Variants in FOXE3 observed in about 807,000 individuals in gnomAD.
The protein encoded by FOXE3 is forkhead box E3.
For synonymous variants in FOXE3, 274 were observed against 258.3 expected (o/e 1.06, Z -0.58); for missense variants, 520 against 507.8 (o/e 1.02, Z -0.23).
At position 47,416,827 on chromosome 1, in the gene FOXE3, A is replaced by G. The variant is rs2124043179; in HGVS notation, c.512A>G (p.Glu171Gly). 1 of 1,524,308 alleles carries G rather than the reference A, an allele frequency of 6.6e-7. No individual in the cohort carries two copies. 94.4% of individuals were successfully genotyped at this position (1,524,308 alleles called of 1,614,324 possible). A position where few individuals can be genotyped will look rare whatever the true frequency, so the allele number is the denominator to read the frequency against. Residue 171 changes from glutamate to glycine, a missense_variant, in exon 1 of 1, where the codon GAG becomes GGG. Transcript: ENST00000335071. The surrounding 1 kb of genome is among the most constrained non-coding windows in gnomAD (Gnocchi z 4.2). The stretch of plus-strand genomic sequence containing the variant: ...CGCCGCAAGCGCTTCAAGCGCGCCG[A>G]GCTGCCCGCGCACGCGGCCGCGGCG... ...LRRRKRFKRA[E>G]LPAHAAAAPG...
chr1:47,416,983 T>C lies in FOXE3; in HGVS notation c.668T>C (p.Val223Ala). 3 of 1,353,854 alleles carry C rather than the reference T, an allele frequency of 2.2e-6. No individual in the cohort carries two copies. Among genetic ancestry groups the C allele is most frequent in the Non-Finnish European group, 2.9e-6 (3 of 1,045,892 alleles). The allele number at this position is 1,353,854 out of a possible 1,614,324, so 83.9% of individuals were successfully genotyped here. A position where few individuals can be genotyped will look rare whatever the true frequency, so the allele number is the denominator to read the frequency against. Residue 223 changes from valine to alanine, a missense_variant, in exon 1 of 1, where the codon GTG becomes GCG. Coordinates refer to ENST00000335071, the MANE Select transcript of FOXE3 (RefSeq NM_012186.3). This position sits in a 1 kb window ranked among gnomAD's most constrained non-coding sequence, Gnocchi z 4.2. ...CGTCTGTTCAGCGTCGACAGCCTGG[T>C]GAACCTGCAGCCGGAGCTAGCGGGG... ...PARLFSVDSL[V>A]NLQPELAGLG...
rs1646882637 is a variant in FOXE3, at chr1:47,416,420, C to A, written c.105C>A (p.Ala35=). The part of the protein sequence containing the change: ...SGPPPSPLAG[A]EPGREPEEAA... ...CGCCGCCGTCGCCGCTCGCAGGAGC[C>A]GAGCCAGGGCGGGAGCCAGAGGAGG... The change falls in exon 1 of 1, where the codon GCC becomes GCA. Residue 35 remains alanine, a synonymous_variant. Coordinates refer to ENST00000335071, the MANE Select transcript of FOXE3 (RefSeq NM_012186.3). This position sits in a 1 kb window ranked among gnomAD's most constrained non-coding sequence, Gnocchi z 4.2. 8.2e-7 allele frequency: 1 copy of A among 1,221,518 alleles called. No individual in the cohort carries two copies. The highest frequency in any genetic ancestry group is 2.8e-5 in the South Asian group (1 of 35,864). The allele number at this position is 1,221,518 out of a possible 1,614,324, so 75.7% of individuals were successfully genotyped here.
Position 47,417,063 on chromosome 1 carries a change from T to C in FOXE3, c.748T>C (p.Phe250Leu). 1.5e-6 allele frequency: 2 copies of C among 1,359,510 alleles called. No homozygotes were observed. The highest frequency in any genetic ancestry group is 1.9e-6 in the Non-Finnish European group (2 of 1,052,692). The allele number at this position is 1,359,510 out of a possible 1,614,324, so 84.2% of individuals were successfully genotyped here. ...CGCGCCCGACGCCGCAGCCGCAGCC[T>C]TCCCGCCCTGCGCTGCCGCCGCCTC... ...CAAPDAAAAA[F>L]PPCAAAASPP... The change falls in exon 1 of 1, where the codon TTC (phenylalanine) becomes CTC (leucine). Residue 250 changes from phenylalanine (F) to leucine (L), a missense_variant. Phe to Leu is a conservative substitution (Grantham distance 22, BLOSUM62 0). Transcript: ENST00000335071. This position sits in a 1 kb window ranked among gnomAD's most constrained non-coding sequence, Gnocchi z 4.3.
In FOXE3 at chr1:47,416,298, C is replaced by A. The variant is rs1325518182; in HGVS notation, c.-18C>A. 3 of 1,302,020 alleles carry A rather than the reference C, an allele frequency of 2.3e-6. No homozygotes were observed. Among genetic ancestry groups the A allele is most frequent in the South Asian group, 2.1e-5 (1 of 46,614 alleles). The allele number at this position is 1,302,020 out of a possible 1,614,324, so 80.7% of individuals were successfully genotyped here. A position where few individuals can be genotyped will look rare whatever the true frequency, so the allele number is the denominator to read the frequency against. ...CCCTGCGGTCCCGGAGCCGCGCGGG[C>A]AGGGGCTGCCGCAGCCGATGGCGGG... On this transcript the variant is annotated 5_prime_UTR_variant, in exon 1 of 1. Transcript: ENST00000335071. The surrounding 1 kb of genome is among the most constrained non-coding windows in gnomAD (Gnocchi z 4.2).
chr1:47,417,077 T>C lies in FOXE3; in HGVS notation c.762T>C (p.Ala254=). The stretch of plus-strand genomic sequence containing the variant: ...CAGCCGCAGCCTTCCCGCCCTGCGC[T>C]GCCGCCGCCTCCCCGCCACTCTACT... ...DAAAAAFPPC[A]AAASPPLYSQ... is the part of the protein sequence containing the mutation. The change falls in exon 1 of 1, where the codon GCT becomes GCC. Residue 254 remains alanine (A), a synonymous_variant. Coordinates refer to ENST00000335071, the MANE Select transcript of FOXE3 (RefSeq NM_012186.3). The surrounding 1 kb of genome is among the most constrained non-coding windows in gnomAD (Gnocchi z 4.3). The C allele has an allele frequency of 2.9e-6, 4 of 1,369,708 alleles. No individual in the cohort carries two copies. Among genetic ancestry groups the C allele is most frequent in the South Asian group, 1.6e-5 (1 of 62,576 alleles). The allele number at this position is 1,369,708 out of a possible 1,614,324, so 84.8% of individuals were successfully genotyped here.
At position 47,416,763 on chromosome 1, in the gene FOXE3, G is replaced by A. The variant is rs1646885823; in HGVS notation, c.448G>A (p.Ala150Thr). ...GKGNYWTLDPAAADMFDNGSF... is the reference protein window; with the variant it reads ...GKGNYWTLDPTAADMFDNGSF... ...GGGCAACTACTGGACGCTGGACCCCGCGGCCGCAGACATGTTCGACAACGG... is the reference window on the plus strand; with the variant it reads ...GGGCAACTACTGGACGCTGGACCCCACGGCCGCAGACATGTTCGACAACGG... Residue 150 changes from alanine to threonine, a missense_variant, in exon 1 of 1, where the codon GCG becomes ACG. Ala to Thr is a moderately conservative substitution (Grantham distance 58). Transcript: ENST00000335071. The surrounding 1 kb of genome is among the most constrained non-coding windows in gnomAD (Gnocchi z 4.2). 5.6e-6 allele frequency: 9 copies of A among 1,603,706 alleles called. No individual in the cohort carries two copies. In the East Asian group the frequency reaches 1.4e-4, roughly 24 times the overall value.
Position 47,416,796 on chromosome 1 carries a change from C to T in FOXE3, c.481C>T (p.Leu161=), listed in dbSNP as rs765916151. The change falls in exon 1 of 1, where the codon CTG becomes TTG. Residue 161 remains leucine, a synonymous_variant. Coordinates refer to ENST00000335071, the MANE Select transcript of FOXE3 (RefSeq NM_012186.3). This position sits in a 1 kb window ranked among gnomAD's most constrained non-coding sequence, Gnocchi z 4.2. ...AADMFDNGSF[L]RRRKRFKRAE... ...AGACATGTTCGACAACGGCAGCTTC[C>T]TGCGGCGCCGCAAGCGCTTCAAGCG... The T allele has an allele frequency of 1.9e-6, 3 of 1,589,696 alleles. No individual in the cohort carries two copies. Among genetic ancestry groups the T allele is most frequent in the South Asian group, 2.3e-5 (2 of 88,824 alleles).
In FOXE3 at chr1:47,417,149, C is replaced by G; in HGVS notation, c.834C>G (p.Pro278=). 7.1e-7 allele frequency: 1 copy of G among 1,405,218 alleles called. No homozygotes were observed. Among genetic ancestry groups the G allele is most frequent in the Non-Finnish European group, 9.2e-7 (1 of 1,083,476 alleles). 87.0% of individuals were successfully genotyped at this position (1,405,218 alleles called of 1,614,324 possible). A position where few individuals can be genotyped will look rare whatever the true frequency, so the allele number is the denominator to read the frequency against. The change falls in exon 1 of 1, where the codon CCC becomes CCG. Residue 278 remains proline, a synonymous_variant. Coordinates refer to ENST00000335071, the MANE Select transcript of FOXE3 (RefSeq NM_012186.3). This position sits in a 1 kb window ranked among gnomAD's most constrained non-coding sequence, Gnocchi z 4.3. ...TACTGCCCGCGACGCGCCCCGGCCC[C>G]GGCCCGCTGCCCGCTGAGCCCCTCC... ...RLVLPATRPG[P]GPLPAEPLLA...
At position 47,417,544 on chromosome 1, in the gene FOXE3, C is replaced by T. The variant is rs1005614509; in HGVS notation, c.*269C>T. The T allele has an allele frequency of 6.3e-6, 2 of 315,962 alleles. No homozygotes were observed. The highest frequency in any genetic ancestry group is 6.1e-6 in the Non-Finnish European group (1 of 164,318). The allele number at this position is 315,962 out of a possible 1,614,324, so 19.6% of individuals were successfully genotyped here. A position where few individuals can be genotyped will look rare whatever the true frequency, so the allele number is the denominator to read the frequency against. ...CCACTTGTGAGCGCCCCCAGCTTTG[C>T]GGCGCCCCCCACCCCAGCGCTGTCT... On this transcript the variant is annotated 3_prime_UTR_variant, in exon 1 of 1. Transcript: ENST00000335071. This position sits in a 1 kb window ranked among gnomAD's most constrained non-coding sequence, Gnocchi z 4.3.
Position 47,416,750 on chromosome 1 carries a change from G to A in FOXE3, c.435G>A (p.Trp145Ter). Residue 145 changes from tryptophan to a stop codon, truncating the protein, a stop_gained, in exon 1 of 1, where the codon TGG (tryptophan) becomes TGA (stop). Transcript: ENST00000335071. LOFTEE classifies it low-confidence loss of function (END_TRUNC). The surrounding 1 kb of genome is among the most constrained non-coding windows in gnomAD (Gnocchi z 4.2). ...GCAACCCGGGCAAGGGCAACTACTG[G>A]ACGCTGGACCCCGCGGCCGCAGACA... Reference protein sequence around the residue: ...EPGNPGKGNYWTLDPAAADMF... With the variant: ...EPGNPGKGNY 1 of 1,607,002 alleles carries A rather than the reference G, an allele frequency of 6.2e-7. No individual in the cohort carries two copies.
rs778795099 is a variant in FOXE3, at chr1:47,416,806, G to C, written c.491G>C (p.Arg164Pro). 6.3e-6 allele frequency: 10 copies of C among 1,585,134 alleles called. No individual in the cohort carries two copies. The highest frequency in any genetic ancestry group is 8.6e-6 in the Non-Finnish European group (10 of 1,167,284). The change falls in exon 1 of 1, where the codon CGC becomes CCC. Residue 164 changes from arginine to proline, a missense_variant. Physicochemically the swap from Arg to Pro is moderately radical, Grantham distance 103. Transcript: ENST00000335071. This position sits in a 1 kb window ranked among gnomAD's most constrained non-coding sequence, Gnocchi z 4.2. Reference sequence around the variant, plus strand: ...GACAACGGCAGCTTCCTGCGGCGCCGCAAGCGCTTCAAGCGCGCCGAGCTG... The same window carrying C: ...GACAACGGCAGCTTCCTGCGGCGCCCCAAGCGCTTCAAGCGCGCCGAGCTG... The part of the protein sequence containing the change: ...MFDNGSFLRR[R>P]KRFKRAELPA...
chr1:47,417,327 C>A lies in FOXE3; in HGVS notation c.*52C>A. 7.8e-7 allele frequency: 1 copy of A among 1,289,832 alleles called. No individual in the cohort carries two copies. The highest frequency in any genetic ancestry group is 2.2e-5 in the South Asian group (1 of 44,884). The allele number at this position is 1,289,832 out of a possible 1,614,324, so 79.9% of individuals were successfully genotyped here. A position where few individuals can be genotyped will look rare whatever the true frequency, so the allele number is the denominator to read the frequency against. On this transcript the variant is annotated 3_prime_UTR_variant, in exon 1 of 1. Coordinates refer to ENST00000335071, the MANE Select transcript of FOXE3 (RefSeq NM_012186.3). The surrounding 1 kb of genome is among the most constrained non-coding windows in gnomAD (Gnocchi z 4.3). ...TGCGACCTGTGCCCCGGACCTGCGG[C>A]GCCGCCCTCGAGCGCCCCATCTCTA...
rs1381655716 is a variant in FOXE3, at chr1:47,417,209, G to A, written c.894G>A (p.Pro298=). Reference sequence around the variant, plus strand: ...CCGGGCCGGCAGCCGCTCTCGGCCCGCTCAGCCCTGGGGAGGCCTACCTGA... The same window carrying A: ...CCGGGCCGGCAGCCGCTCTCGGCCCACTCAGCCCTGGGGAGGCCTACCTGA... ...ALAGPAAALG[P]LSPGEAYLRQ... Residue 298 remains proline, a synonymous_variant, in exon 1 of 1, where the codon CCG becomes CCA. Transcript: ENST00000335071. This position sits in a 1 kb window ranked among gnomAD's most constrained non-coding sequence, Gnocchi z 4.3. 1 of 1,364,188 alleles carries A rather than the reference G, an allele frequency of 7.3e-7. No homozygotes were observed. Among genetic ancestry groups the A allele is most frequent in the South Asian group, 1.8e-5 (1 of 55,210 alleles). 84.5% of individuals were successfully genotyped at this position (1,364,188 alleles called of 1,614,324 possible).
Position 47,417,039 on chromosome 1 carries a change from G to C in FOXE3, c.724G>C (p.Ala242Pro). Residue 242 changes from alanine to proline, a missense_variant, in exon 1 of 1, where the codon GCG becomes CCG. Physicochemically the swap from Ala to Pro is conservative, Grantham distance 27. Transcript: ENST00000335071. This position sits in a 1 kb window ranked among gnomAD's most constrained non-coding sequence, Gnocchi z 4.3. Reference sequence around the variant, plus strand: ...CGCCCCCGAGCCGCCCTGCTGCGCCGCGCCCGACGCCGCAGCCGCAGCCTT... The same window carrying C: ...CGCCCCCGAGCCGCCCTGCTGCGCCCCGCCCGACGCCGCAGCCGCAGCCTT... Reference protein sequence around the residue: ...LGAPEPPCCAAPDAAAAAFPP... With the variant: ...LGAPEPPCCAPPDAAAAAFPP... 3 of 1,320,280 alleles carry C rather than the reference G, an allele frequency of 2.3e-6. No homozygotes were observed. Among genetic ancestry groups the C allele is most frequent in the Middle Eastern group, 2.9e-4 (1 of 3,488 alleles). The allele number at this position is 1,320,280 out of a possible 1,614,324, so 81.8% of individuals were successfully genotyped here. A position where few individuals can be genotyped will look rare whatever the true frequency, so the allele number is the denominator to read the frequency against.
Position 47,417,161 on chromosome 1 carries a change from C to T in FOXE3, c.846C>T (p.Pro282=), listed in dbSNP as rs1249018888. The T allele has an allele frequency of 2.8e-6, 4 of 1,404,522 alleles. No individual in the cohort carries two copies. The highest frequency in any genetic ancestry group is 3.7e-6 in the Non-Finnish European group (4 of 1,084,632). The allele number at this position is 1,404,522 out of a possible 1,614,324, so 87.0% of individuals were successfully genotyped here. A position where few individuals can be genotyped will look rare whatever the true frequency, so the allele number is the denominator to read the frequency against. Residue 282 remains proline (P), a synonymous_variant, in exon 1 of 1, where the codon CCC becomes CCT. Transcript: ENST00000335071. This position sits in a 1 kb window ranked among gnomAD's most constrained non-coding sequence, Gnocchi z 4.3. ...PATRPGPGPL[P]AEPLLALAGP... ...CGCGCCCCGGCCCCGGCCCGCTGCC[C>T]GCTGAGCCCCTCCTGGCCTTGGCCG...
chr1:47,417,117 C>G lies in FOXE3; in HGVS notation c.802C>G (p.Arg268Gly), dbSNP rs776244154. ...SPPLYSQVPD[R>G]LVLPATRPGP... Reference sequence around the variant, plus strand: ...GCCACTCTACTCGCAGGTCCCCGACCGCCTGGTACTGCCCGCGACGCGCCC... The same window carrying G: ...GCCACTCTACTCGCAGGTCCCCGACGGCCTGGTACTGCCCGCGACGCGCCC... Residue 268 changes from arginine (R) to glycine (G), a missense_variant, in exon 1 of 1, where the codon CGC becomes GGC. Coordinates refer to ENST00000335071, the MANE Select transcript of FOXE3 (RefSeq NM_012186.3). The surrounding 1 kb of genome is among the most constrained non-coding windows in gnomAD (Gnocchi z 4.3). The G allele has an allele frequency of 2.9e-6, 4 of 1,398,934 alleles. No homozygotes were observed. Among genetic ancestry groups the G allele is most frequent in the South Asian group, 1.5e-5 (1 of 66,802 alleles). 86.7% of individuals were successfully genotyped at this position (1,398,934 alleles called of 1,614,324 possible).
chr1:47,417,309 T>A lies in FOXE3; in HGVS notation c.*34T>A, dbSNP rs781137229. 8.7e-5 allele frequency: 115 copies of A among 1,319,904 alleles called. No individual in the cohort carries two copies. The Middle Eastern group carries it at 2.0e-3, about 23-fold the overall frequency. The allele number at this position is 1,319,904 out of a possible 1,614,324, so 81.8% of individuals were successfully genotyped here. On this transcript the variant is annotated 3_prime_UTR_variant, in exon 1 of 1. Transcript: ENST00000335071. The surrounding 1 kb of genome is among the most constrained non-coding windows in gnomAD (Gnocchi z 4.3). ...CGCGCGGGCAGGCACCTGTGCGACC[T>A]GTGCCCCGGACCTGCGGCGCCGCCC...
Position 47,417,013 on chromosome 1 carries a change from G to C in FOXE3, c.698G>C (p.Gly233Ala). ...CTGCAGCCGGAGCTAGCGGGGCTGG[G>C]CGCCCCCGAGCCGCCCTGCTGCGCC... ...VNLQPELAGLGAPEPPCCAAP... is the reference protein window; with the variant it reads ...VNLQPELAGLAAPEPPCCAAP... Residue 233 changes from glycine (G) to alanine (A), a missense_variant, in exon 1 of 1, where the codon GGC becomes GCC. Physicochemically the swap from Gly to Ala is moderately conservative, Grantham distance 60. Coordinates refer to ENST00000335071, the MANE Select transcript of FOXE3 (RefSeq NM_012186.3). This position sits in a 1 kb window ranked among gnomAD's most constrained non-coding sequence, Gnocchi z 4.3. The C allele has an allele frequency of 7.5e-7, 1 of 1,338,894 alleles. No individual in the cohort carries two copies. The highest frequency in any genetic ancestry group is 9.6e-7 in the Non-Finnish European group (1 of 1,040,580). 82.9% of individuals were successfully genotyped at this position (1,338,894 alleles called of 1,614,324 possible).
chr1:47,417,790 C>G lies in FOXE3; in HGVS notation c.*515C>G, dbSNP rs78460138. ...TCCCTTCATTTTCCCACAAGTTTGC[C>G]CCCCACCTCCACTTACCTGTCTGCC... On this transcript the variant is annotated 3_prime_UTR_variant, in exon 1 of 1. Transcript: ENST00000335071. The surrounding 1 kb of genome is among the most constrained non-coding windows in gnomAD (Gnocchi z 4.3). The G allele has an allele frequency of 0.011, 1,771 of 167,562 alleles. 43 individuals are homozygous for G. The highest frequency in any genetic ancestry group is 0.04 in the African/African-American group (1,673 of 41,542). 10.4% of individuals were successfully genotyped at this position (167,562 alleles called of 1,614,324 possible). A position where few individuals can be genotyped will look rare whatever the true frequency, so the allele number is the denominator to read the frequency against.
Sources: allele counts gnomAD v4.1 joint callset, GRCh38; gene constraint gnomAD v4.1.1; non-coding constraint Gnocchi (gnomAD v3.1); transcripts MANE v1.5; gene names NCBI Gene and HGNC (gene_info 2026-07-23, HGNC 2026-07-21).